The following CBLN2 variants were observed in gnomAD, a reference collection of about 807,000 sequenced individuals.
The protein encoded by CBLN2 is cerebellin-2.
A neutral mutation model predicts 15.0 loss-of-function variants in CBLN2; 7 were observed. That is an observed-to-expected ratio of 0.47 (90% CI 0.27 to 0.88). The LOEUF is 0.88. Among genes scored for constraint, CBLN2 ranks in the 40% least tolerant of loss-of-function variants. CBLN2 has a pLI of 0.14. For synonymous variants in CBLN2, 149 were observed against 135.2 expected, an observed-to-expected ratio of 1.10 and a Z score of -0.71; for missense variants, 242 against 304.5, an observed-to-expected ratio of 0.79 and a Z score of 1.53.
At chr18:72,569,845 C>A (rs920759650) in intron 1 of CBLN2, among the ~76,000 whole-genome samples, 1 of 152,186 alleles carries the variant, frequency 6.6e-6, no homozygotes, top group Non-Finnish European at 1.5e-5. Context: ...ACATCCAACA[C>A]TGGGGGTGAC....
intron 1 of CBLN2, among the ~76,000 whole-genome samples, chr18:72,628,266 A>G (rs2069753181): frequency 6.6e-6 from 1 of 152,254 alleles, no homozygotes; most frequent in South Asian, 2.1e-4. Context: ...CTGACATTAA[A>G]TAGAAACTGA....
intron 1 of CBLN2, among the ~76,000 whole-genome samples, chr18:72,628,764 A>G (rs1813286400): frequency 6.6e-6 from 1 of 152,214 alleles, no homozygotes; most frequent in South Asian, 2.1e-4. Flanking sequence ...CTTATGCATC[A>G]TCTTCAAATA....
At chr18:72,602,306 G>A (rs2069554186) in intron 1 of CBLN2, among the ~76,000 whole-genome samples, 1 of 152,202 alleles carries the variant, frequency 6.6e-6, no homozygotes, top group Non-Finnish European at 1.5e-5. Flanking sequence ...TGTTGCCGGC[G>A]GCTGTGCTCT....
chr18:72,567,717 A>C (rs1194450954), intron 1 of CBLN2, among the ~76,000 whole-genome samples: 1 of 151,706 alleles, frequency 6.6e-6, no homozygotes, highest in Non-Finnish European at 1.5e-5. Flanking sequence ...CTCCTGGATT[A>C]CTCTCCGAAC....
rs573682987 is a variant in CBLN2 at position 72,602,806 on chromosome 18, C to G, written c.15+35519G>C. Among the ~76,000 whole-genome samples the G allele has an allele frequency of 1.2e-4, 19 of 152,320 alleles. No individual in the cohort carries two copies. The South Asian group carries it at 3.9e-3, about 32-fold the overall frequency. On this transcript the variant is annotated intron_variant, in intron 1 of 2. Coordinates refer to the CBLN2 transcript ENST00000581073. ...GTCCAACAGTTCTCTTCCTGACTGA[C>G]AGCCTGCTCTAGGGATTTTGGTCTT...
upstream of CBLN2, among the ~76,000 whole-genome samples, chr18:72,546,361 T>C (rs529746279): frequency 9.0e-4 from 136 of 151,266 alleles, no homozygotes; most frequent in African/African-American, 3.2e-3. Context: ...GGTGTGAACC[T>C]GGGAGGCGGA....
chr18:72,615,040 T>TATATATATATATATATAA (rs1308921398), intron 1 of CBLN2, among the ~76,000 whole-genome samples: 14 of 138,466 alleles, frequency 1.0e-4, no homozygotes, highest in African/African-American at 3.5e-4. Context: ...CAAGTACATA[T>TATATATATATATATATAA]ATATATATAT....
intron 1 of CBLN2, among the ~76,000 whole-genome samples, chr18:72,579,376 T>C (rs1266195565): frequency 6.6e-6 from 1 of 152,176 alleles, no homozygotes; most frequent in Non-Finnish European, 1.5e-5. Flanking sequence ...TATTACTAAA[T>C]CAAAGTAAGA....
At chr18:72,541,311 C>T (rs726155) in intron 3 of CBLN2, among the ~76,000 whole-genome samples, 4 of 151,298 alleles carry the variant, frequency 2.6e-5, no homozygotes, top group Admixed American at 2.6e-4. Context: ...GATAAACATC[C>T]CTTCCCCAAT....
At chr18:72,620,943 G>T (rs2069696734) in intron 1 of CBLN2, among the ~76,000 whole-genome samples, 1 of 152,154 alleles carries the variant, frequency 6.6e-6, no homozygotes, top group Non-Finnish European at 1.5e-5. Flanking sequence ...GATACTTTAT[G>T]ACTGATAAGT....
chr18:72,561,688 T>C lies in CBLN2; in HGVS notation c.16-22916A>G, dbSNP rs72634436. Among the ~76,000 whole-genome samples the C allele has an allele frequency of 0.03, 4,525 of 152,304 alleles. 631 individuals are homozygous for C. The East Asian group carries it at 0.47, about 16-fold the overall frequency. On this transcript the variant is annotated intron_variant, in intron 1 of 2. Coordinates refer to the CBLN2 transcript ENST00000581073. ...TAGTGCGTATTACTTCTCAGCACTT[T>C]ATGACAGATAAAACATTTAAAAGGC...
At chr18:72,622,151 T>C (rs2069705326) in intron 1 of CBLN2, among the ~76,000 whole-genome samples, 1 of 152,208 alleles carries the variant, frequency 6.6e-6, no homozygotes, top group Admixed American at 6.5e-5. Context: ...AATATTTTTC[T>C]CTTTGCCCAA....
At position 72,591,854 on chromosome 18, in the gene CBLN2, AC is replaced by A. The variant is rs1240900400; in HGVS notation, c.15+46470del. 1.1e-4 allele frequency among the ~76,000 whole-genome samples: 16 copies of A among 152,076 alleles called. 1 individual carries two copies. Among genetic ancestry groups the A allele is most frequent in the Admixed American group, 3.3e-4 (5 of 15,278 alleles). On this transcript the variant is annotated intron_variant, in intron 1 of 2. Coordinates refer to the CBLN2 transcript ENST00000581073. ...CATTCTTTGTTTATGGCAGAATGGT[AC>A]TCCATTGTGTATATGTACCATATTT...
chr18:72,584,299 A>T (rs1599010531), intron 1 of CBLN2, among the ~76,000 whole-genome samples: 1 of 151,964 alleles, frequency 6.6e-6, no homozygotes, highest in East Asian at 1.9e-4. Context: ...TTCAGAAAAA[A>T]AAATTACCAA....
chr18:72,576,220 C>T (rs74508630), intron 1 of CBLN2, among the ~76,000 whole-genome samples: 307 of 152,246 alleles, frequency 2.0e-3, no homozygotes, highest in African/African-American at 7.0e-3. Context: ...GACTTTGCTT[C>T]CTATTCTGTT....
intron 1 of CBLN2, among the ~76,000 whole-genome samples, chr18:72,565,032 T>G (rs2069285498): frequency 6.6e-6 from 1 of 152,170 alleles, no homozygotes; most frequent in African/African-American, 2.4e-5. Flanking sequence ...AGAATAGCAC[T>G]CAGCAAAGCT....
intron 1 of CBLN2, among the ~76,000 whole-genome samples, chr18:72,593,460 T>C (rs570109650): frequency 2.0e-5 from 3 of 152,132 alleles, no homozygotes; most frequent in Non-Finnish European, 4.4e-5. Flanking sequence ...TACAAAAAAG[T>C]ATAATTTGAC....
chr18:72,546,408 C>G (rs552432372), upstream of CBLN2, among the ~76,000 whole-genome samples: 1 of 151,672 alleles, frequency 6.6e-6, no homozygotes, highest in South Asian at 2.1e-4. Context: ...CTGCAGTCCT[C>G]CGGCCTGGGT....
chr18:72,552,958 C>T (rs904591485), intron 1 of CBLN2, among the ~76,000 whole-genome samples: 1 of 152,108 alleles, frequency 6.6e-6, no homozygotes, highest in African/African-American at 2.4e-5. Flanking sequence ...TTATTCAATC[C>T]TATGTGTCTC....
Sources: gnomAD v4.1 joint callset for allele counts (sites outside exome capture counted in the v4.1 genomes callset) on GRCh38, gnomAD v4.1.1 for gene constraint, MANE v1.5 for transcripts, NCBI Gene and HGNC (gene_info 2026-07-23, HGNC 2026-07-21) for gene names.